PRKG1: variants seen among roughly 807,000 people sequenced by gnomAD.
The protein encoded by PRKG1 is cGMP-dependent protein kinase 1.
PRKG1 carries 35 observed loss-of-function variants against 88.1 expected under a neutral mutation model. That is an observed-to-expected ratio of 0.40 (90% CI 0.30 to 0.53). The LOEUF (loss-of-function observed/expected upper bound fraction) is 0.53, where lower values mean the gene tolerates loss of function less well. Ranked by LOEUF, PRKG1 falls within the 20% of genes least tolerant of loss-of-function variation. PRKG1 has a pLI of 0.59. For missense variants in PRKG1, 540 were observed against 839.8 expected (o/e 0.64, Z 4.41); for synonymous variants, 303 against 292.5 (o/e 1.04, Z -0.37).
intron 6 of PRKG1, among the ~76,000 whole-genome samples, chr10:52,055,016 A>T (rs539296757): frequency 9.9e-5 from 15 of 152,266 alleles, no homozygotes; most frequent in Admixed American, 7.8e-4. Flanking sequence ...CATGCCTGTC[A>T]TCCCAGCTAC....
chr10:52,293,413 T>G (rs1842309410), intron 17 of PRKG1, among the ~76,000 whole-genome samples: 2 of 151,846 alleles, frequency 1.3e-5, no homozygotes, highest in African/African-American at 4.8e-5. Context: ...AAAAACTACT[T>G]TAAAGTTCAT....
At chr10:51,327,679 G>A (rs1166429923) in intron 2 of PRKG1, among the ~76,000 whole-genome samples, 1 of 152,116 alleles carries the variant, frequency 6.6e-6, no homozygotes, top group Non-Finnish European at 1.5e-5. Context: ...ATTGCTTTGA[G>A]GCTACAAACC....
chr10:51,799,036 GC>G (rs1839093720), intron 3 of PRKG1, among the ~76,000 whole-genome samples: 2 of 151,792 alleles, frequency 1.3e-5, no homozygotes, highest in Non-Finnish European at 2.9e-5. Context: ...TAGCTTCTTT[GC>G]CATTACCAAG....
intron 3 of PRKG1, among the ~76,000 whole-genome samples, chr10:51,744,494 C>T (rs1837527078): frequency 6.6e-6 from 1 of 152,180 alleles, no homozygotes; most frequent in Non-Finnish European, 1.5e-5. Context: ...CACTTTCTCT[C>T]AGTCTCCTAC....
intron 9 of PRKG1, among the ~76,000 whole-genome samples, chr10:52,196,359 C>T (rs990209909): frequency 1.3e-5 from 2 of 152,136 alleles, no homozygotes; most frequent in Admixed American, 6.6e-5. Context: ...TCTTTGTTAA[C>T]ACCTTAATTA....
intron 9 of PRKG1, among the ~76,000 whole-genome samples, chr10:52,174,256 A>G (rs968877865): frequency 6.6e-6 from 1 of 151,824 alleles, no homozygotes; most frequent in African/African-American, 2.4e-5. Context: ...ATTTCACATG[A>G]GCTCCAAAAA....
intron 3 of PRKG1, among the ~76,000 whole-genome samples, chr10:51,551,748 G>A (rs904274039): frequency 1.8e-4 from 28 of 151,684 alleles, no homozygotes; most frequent in Admixed American, 1.4e-3. Flanking sequence ...AGACTCTTTC[G>A]ACTACATCAT....
intron 4 of PRKG1, among the ~76,000 whole-genome samples, chr10:51,857,969 G>A (rs1840725236): frequency 6.8e-6 from 1 of 147,616 alleles, no homozygotes; most frequent in African/African-American, 2.5e-5. Context: ...GATTCTCTAT[G>A]TTGTTTTTAA....
chr10:51,390,963 C>A (rs568276260), intron 2 of PRKG1, among the ~76,000 whole-genome samples: 3 of 152,104 alleles, frequency 2.0e-5, no homozygotes, highest in African/African-American at 7.2e-5. Context: ...AAAAACCCTG[C>A]GCAAAGATAA....
intron 7 of PRKG1, among the ~76,000 whole-genome samples, chr10:52,128,810 G>A (rs1039240382): frequency 6.6e-6 from 1 of 152,102 alleles, no homozygotes; most frequent in African/African-American, 2.4e-5. Flanking sequence ...CTAATACAGA[G>A]GCACAGAACT....
At chr10:51,139,864 T>C (rs564296006) in intron 1 of PRKG1, among the ~76,000 whole-genome samples, 199 of 152,354 alleles carry the variant, frequency 1.3e-3, no homozygotes, top group African/African-American at 4.6e-3. Flanking sequence ...ATATAGATTA[T>C]ACCATGTCAC....
rs12269319 is a variant in PRKG1, at chr10:51,988,383, A to G, written c.763-66101A>G. ...AGATAAATAATGTTATAGTGAACCT[A>G]CTTGTACTTGTATATGATTAAGTGT... On this transcript the variant is annotated intron_variant, in intron 5 of 17. Transcript: ENST00000373980. 6.3e-3 allele frequency among the ~76,000 whole-genome samples: 965 copies of G among 152,128 alleles called. 4 individuals are homozygous for G. Among genetic ancestry groups the G allele is most frequent in the African/African-American group, 0.021 (856 of 41,552 alleles).
At chr10:51,409,539 G>C (rs1401734786) in intron 2 of PRKG1, among the ~76,000 whole-genome samples, 1 of 152,012 alleles carries the variant, frequency 6.6e-6, no homozygotes, top group Non-Finnish European at 1.5e-5. Context: ...AAAGCCCAGT[G>C]ACAGGCCAAG....
At chr10:51,040,605 A>G (rs10995462) in intron 1 of PRKG1, among the ~76,000 whole-genome samples, 1 of 151,972 alleles carries the variant, frequency 6.6e-6, no homozygotes, top group South Asian at 2.1e-4. Flanking sequence ...GTTGTGAGCC[A>G]CCACACCTGG....
chr10:51,200,746 TA>T (rs1195770259), intron 2 of PRKG1, among the ~76,000 whole-genome samples: 1 of 152,238 alleles, frequency 6.6e-6, no homozygotes, highest in Non-Finnish European at 1.5e-5. Context: ...AATGAAACCA[TA>T]CTGATTTTAT....
chr10:51,578,980 G>GTTTTT (rs752412264), intron 3 of PRKG1, among the ~76,000 whole-genome samples: 3 of 77,828 alleles, frequency 3.9e-5, no homozygotes, highest in South Asian at 5.0e-4. Context: ...AGTTCTGTTG[G>GTTTTT]TTTTTTTTTT....
chr10:51,453,867 G>A (rs997007868), intron 2 of PRKG1, among the ~76,000 whole-genome samples: 2 of 151,936 alleles, frequency 1.3e-5, no homozygotes, highest in South Asian at 2.1e-4. Flanking sequence ...CATCCAAAAA[G>A]CCCTGGATAT....
At chr10:51,352,084 T>A (rs1191822358) in intron 2 of PRKG1, among the ~76,000 whole-genome samples, 1 of 152,174 alleles carries the variant, frequency 6.6e-6, no homozygotes, top group East Asian at 1.9e-4. Context: ...GAGCTCTCTG[T>A]TCTGTTCCAT....
At chr10:51,607,273 G>A (rs747629687) in intron 3 of PRKG1, among the ~76,000 whole-genome samples, 7 of 152,170 alleles carry the variant, frequency 4.6e-5, no homozygotes, top group East Asian at 1.9e-4. Context: ...ATTTTTTACC[G>A]TCCTTAGTAA....
Sources: gnomAD v4.1 joint callset for allele counts (sites outside exome capture counted in the v4.1 genomes callset) on GRCh38, gnomAD v4.1.1 for gene constraint, MANE v1.5 for transcripts, NCBI Gene and HGNC (gene_info 2026-07-23, HGNC 2026-07-21) for gene names.